The following PAX8 variants were observed in gnomAD, a reference collection of about 807,000 sequenced individuals.
PAX8 encodes paired box protein Pax-8.
A neutral mutation model predicts 52.4 loss-of-function variants in PAX8; 15 were observed. That is an observed-to-expected ratio of 0.29 (90% confidence interval 0.19 to 0.44). The LOEUF is 0.44. Ranked by LOEUF, PAX8 falls within the 20% of genes least tolerant of loss-of-function variation. PAX8 has a pLI of 1.00. For synonymous variants in PAX8, 284 were observed against 249.7 expected, an observed-to-expected ratio of 1.14 and a Z score of -1.29; for missense variants, 554 against 602.5, an observed-to-expected ratio of 0.92 and a Z score of 0.84.
rs755809377 is a variant in PAX8 at position 113,242,772 on chromosome 2, G to A, written c.396C>T (p.Ile132=). The change falls in exon 5 of 12, where the codon ATC becomes ATT. Residue 132 remains isoleucine (I), a synonymous_variant. Transcript: ENST00000429538. ...TGAATGGTTGCTGCACTTTGGTCCG[G>A]ATGATTCTGTGATGAAGAGAAGAAA... ...VPSVSSINRI[I]RTKVQQPFNL... is the part of the protein sequence containing the mutation. 11 of 1,613,262 alleles carry A rather than the reference G, an allele frequency of 6.8e-6. No individual in the cohort carries two copies. The highest frequency in any genetic ancestry group is 1.1e-5 in the South Asian group (1 of 91,048).
intron 2 of PAX8, among the ~76,000 whole-genome samples, chr2:113,260,953 G>A (rs1692634411): frequency 6.6e-6 from 1 of 151,946 alleles, no homozygotes; most frequent in South Asian, 2.1e-4. Flanking sequence ...GGGACAGAAG[G>A]AGGGCCTGGC....
At chr2:113,271,400 G>A (rs537704140) in intron 2 of PAX8, 18 of 152,252 alleles carry the variant, frequency 1.2e-4, no homozygotes, top group African/African-American at 4.3e-4. Flanking sequence ...GGCAGCCTTG[G>A]GGGGATGTGT....
chr2:113,269,765 A>G (rs1021702299), intron 2 of PAX8: 3 of 152,232 alleles, frequency 2.0e-5, no homozygotes, highest in Non-Finnish European at 4.4e-5. Context: ...AAATAAATAT[A>G]TGATTCCGTG....
chr2:113,243,711 G>C (rs541073094), intron 4 of PAX8, among the ~76,000 whole-genome samples: 3 of 152,250 alleles, frequency 2.0e-5, no homozygotes, highest in African/African-American at 7.2e-5. Flanking sequence ...GTTTTCTTTT[G>C]ATCCTATTAG....
At position 113,278,867 on chromosome 2, in the gene PAX8, C is replaced by A; in HGVS notation, c.-112G>T. ...GCTGCAGGCCCTCACTGCTTGGGTC[C>A]GCCCGCGAGGGTGCCCTGGGCCCGG... On this transcript the variant is annotated 5_prime_UTR_variant, in exon 1 of 12. Coordinates refer to ENST00000429538, the MANE Select transcript of PAX8 (RefSeq NM_003466.4). 3 of 1,057,834 alleles carry A rather than the reference C, an allele frequency of 2.8e-6. No individual in the cohort carries two copies. Among genetic ancestry groups the A allele is most frequent in the Non-Finnish European group, 3.4e-6 (3 of 873,802 alleles). The allele number at this position is 1,057,834 out of a possible 1,614,324, so 65.5% of individuals were successfully genotyped here. A position where few individuals can be genotyped will look rare whatever the true frequency, so the allele number is the denominator to read the frequency against.
intron 2 of PAX8, chr2:113,275,742 T>C (rs1305254742): frequency 6.6e-6 from 1 of 152,248 alleles, no homozygotes; most frequent in Non-Finnish European, 1.5e-5. Flanking sequence ...TTAAAAATGT[T>C]TTTGCTTTAG....
intron 10 of PAX8, 59 bp downstream of exon 10, chr2:113,227,096 C>T (rs1174667270): frequency 1.9e-6 from 3 of 1,540,728 alleles, no homozygotes; most frequent in African/African-American, 1.4e-5. Context: ...CCTTGTGTCC[C>T]ACCTTGCTCC....
chr2:113,238,440 T>A (rs1267670190), intron 7 of PAX8: 1 of 152,652 alleles, frequency 6.6e-6, no homozygotes, highest in Non-Finnish European at 1.5e-5. Context: ...TAAAATGCTT[T>A]ATGGATGTGT....
Position 113,227,257 on chromosome 2 carries a change from C to A in PAX8, c.1088-1G>T. The stretch of plus-strand genomic sequence containing the variant: ...AGCGTGGGCCCCACCATCTCTCGCC[C>A]TGGAAAAATACAGCAAAGAGTCGTC... On this transcript the variant is annotated splice_acceptor_variant, in intron 9 of 11. Transcript: ENST00000429538. LOFTEE classifies it high-confidence loss of function. The A allele has an allele frequency of 6.2e-7, 1 of 1,607,204 alleles. No individual in the cohort carries two copies. Among genetic ancestry groups the A allele is most frequent in the South Asian group, 1.1e-5 (1 of 89,716 alleles).
Position 113,242,147 on chromosome 2 carries a change from G to A in PAX8, c.479-17C>T. ...AGCTGGGGACTGCAGTGGGGGAGAGGGAGAGGGTCAGGGGTGGGAGTGACA... is the reference window on the plus strand; with the variant it reads ...AGCTGGGGACTGCAGTGGGGGAGAGAGAGAGGGTCAGGGGTGGGAGTGACA... On this transcript the variant is annotated splice_polypyrimidine_tract_variant and intron_variant, in intron 5 of 11. Transcript: ENST00000429538. 6.2e-7 allele frequency: 1 copy of A among 1,609,606 alleles called. No homozygotes were observed. Among genetic ancestry groups the A allele is most frequent in the Non-Finnish European group, 8.5e-7 (1 of 1,176,858 alleles).
At chr2:113,268,696 T>G (rs1442313389) in intron 2 of PAX8, 2 of 152,390 alleles carry the variant, frequency 1.3e-5, no homozygotes, top group Non-Finnish European at 2.9e-5. Flanking sequence ...AGAGGAATCA[T>G]GGACAGCTTC....
chr2:113,228,884 G>T (rs1326350368), intron 9 of PAX8, among the ~76,000 whole-genome samples: 1 of 152,204 alleles, frequency 6.6e-6, no homozygotes, highest in Non-Finnish European at 1.5e-5. Flanking sequence ...ATGAAAGCCT[G>T]TAAGTTGCCA....
chr2:113,261,350 CAG>C (rs1404907537), intron 2 of PAX8, among the ~76,000 whole-genome samples: 4 of 152,166 alleles, frequency 2.6e-5, no homozygotes, highest in Admixed American at 1.3e-4. Context: ...AGCCGGGGAA[CAG>C]AGGCCAGAAA....
rs1689566870 is a variant in PAX8 at position 113,226,335 on chromosome 2, T to C, written c.1189+820A>G. The stretch of plus-strand genomic sequence containing the variant: ...TTCCAGAAACTCCAGGTCCCAGGCC[T>C]TTTTGACCAGTGACAATGGCTCAAT... On this transcript the variant is annotated intron_variant, in intron 10 of 11. Coordinates refer to ENST00000429538, the MANE Select transcript of PAX8 (RefSeq NM_003466.4). 4.1e-6 allele frequency: 4 copies of C among 985,410 alleles called. No homozygotes were observed. The South Asian group carries it at 1.9e-4, about 46-fold the overall frequency. The allele number at this position is 985,410 out of a possible 1,614,324, so 61.0% of individuals were successfully genotyped here.
At chr2:113,231,967 A>G (rs1689923789) in intron 9 of PAX8, among the ~76,000 whole-genome samples, 1 of 152,134 alleles carries the variant, frequency 6.6e-6, no homozygotes, top group Non-Finnish European at 1.5e-5. Context: ...ACCTCAGGTG[A>G]TCCACCCACC....
rs1457255297 is a variant in PAX8, at chr2:113,218,108, T to C, written c.*425A>G. 4.2e-6 allele frequency: 1 copy of C among 238,006 alleles called. No homozygotes were observed. The highest frequency in any genetic ancestry group is 1.2e-3 in the Middle Eastern group (1 of 808). The allele number at this position is 238,006 out of a possible 1,614,324, so 14.7% of individuals were successfully genotyped here. A position where few individuals can be genotyped will look rare whatever the true frequency, so the allele number is the denominator to read the frequency against. On this transcript the variant is annotated 3_prime_UTR_variant, in exon 12 of 12. Coordinates refer to ENST00000429538, the MANE Select transcript of PAX8 (RefSeq NM_003466.4). ...CTTGTGGGCTGGAGGGAAGTGCTTA[T>C]GGTCCATAATTGCTAGAGTTGTGTT...
chr2:113,221,504 C>T (rs1014164699), intron 10 of PAX8, among the ~76,000 whole-genome samples: 2 of 152,142 alleles, frequency 1.3e-5, no homozygotes, highest in Non-Finnish European at 2.9e-5. Flanking sequence ...TACAGGTGAA[C>T]CTTGGTTTCC....
chr2:113,242,806 GAGAGA>G, intron 4 of PAX8, 28 bp from the exon 5 acceptor site: 2 of 1,563,108 alleles, frequency 1.3e-6, no homozygotes, highest in East Asian at 2.2e-5. Context: ...AAGGCCATGA[GAGAGA>G]AGAGGAGGAA....
intron 2 of PAX8, among the ~76,000 whole-genome samples, chr2:113,253,690 T>G (rs553748999): frequency 1.6e-4 from 25 of 152,328 alleles, no homozygotes; most frequent in African/African-American, 6.0e-4. Context: ...GTGGCTTTGC[T>G]TTATCCTGCA....
Sources: gnomAD v4.1 joint callset for allele counts (sites outside exome capture counted in the v4.1 genomes callset) on GRCh38, gnomAD v4.1.1 for gene constraint, MANE v1.5 for transcripts, NCBI Gene and HGNC (gene_info 2026-07-23, HGNC 2026-07-21) for gene names.